ABCA3: variants seen among roughly 807,000 people sequenced by gnomAD.
ABCA3 encodes ATP binding cassette subfamily A member 3.
Under a neutral mutation model 172.8 loss-of-function variants are expected in ABCA3, and 88 were observed. The observed-to-expected ratio is 0.51, with a 90% CI of 0.43 to 0.61. ABCA3 has a LOEUF of 0.61. Among genes scored for constraint, ABCA3 ranks in the 20% least tolerant of loss-of-function variants. ABCA3 has a pLI of 0.00. For synonymous variants in ABCA3, 1,066 were observed against 983.8 expected, an observed-to-expected ratio of 1.08 and a Z score of -1.56; for missense variants, 2,164 against 2,301.0, an observed-to-expected ratio of 0.94 and a Z score of 1.22.
chr16:2,292,035 T>C (rs1210735172), intron 19 of ABCA3, 105 bp downstream of exon 19: 2 of 875,670 alleles, frequency 2.3e-6, no homozygotes, highest in African/African-American at 1.7e-5. Flanking sequence ...ATCGCACCAC[T>C]GCACTCCAGC....
At chr16:2,301,013 G>A (rs576351121) in intron 12 of ABCA3, among the ~76,000 whole-genome samples, 36 of 149,672 alleles carry the variant, frequency 2.4e-4, no homozygotes, top group Non-Finnish European at 4.0e-4. Flanking sequence ...GGCGGATCAT[G>A]AGGTCAGGAG....
At chr16:2,321,989 A>T (rs149650674) in intron 7 of ABCA3, among the ~76,000 whole-genome samples, 1 of 152,192 alleles carries the variant, frequency 6.6e-6, no homozygotes, top group African/African-American at 2.4e-5. Flanking sequence ...CATGAGGTCA[A>T]GAGATCGAGA....
chr16:2,312,840 A>ATT (rs879305970), intron 10 of ABCA3, among the ~76,000 whole-genome samples: 4 of 143,392 alleles, frequency 2.8e-5, no homozygotes, highest in Non-Finnish European at 6.1e-5. Context: ...CCGAAATTGC[A>ATT]TTTTTTTTTT....
rs71148128 is a variant in ABCA3, at chr16:2,316,490, C to CAAAAAAAAAAAAAAAAA, written c.1111+776_1111+792dup. Among the ~76,000 whole-genome samples the CAAAAAAAAAAAAAAAAA allele has an allele frequency of 1.1e-3, 32 of 28,868 alleles. 14 individuals carry two copies. Among genetic ancestry groups the CAAAAAAAAAAAAAAAAA allele is most frequent in the Non-Finnish European group, 1.5e-3 (19 of 12,998 alleles). The allele number at this position is 28,868 out of a possible 152,430, so 18.9% of individuals were successfully genotyped here. The stretch of plus-strand genomic sequence containing the variant: ...CAAAACCCCGTCTCTACTAAAAATG[C>CAAAAAAAAAAAAAAAAA]AAAAAAAAAAAAAAAAAAAAAAAAA... On this transcript the variant is annotated intron_variant, in intron 10 of 32. Coordinates refer to ENST00000301732, the MANE Select transcript of ABCA3 (RefSeq NM_001089.3).
At chr16:2,328,973 C>G (rs1037709529) in intron 2 of ABCA3, among the ~76,000 whole-genome samples, 1 of 148,884 alleles carries the variant, frequency 6.7e-6, no homozygotes, top group Non-Finnish European at 1.5e-5. Context: ...TATATCAAGG[C>G]TCTTTTTAAA....
chr16:2,317,612 C>T (rs1435292272), intron 9 of ABCA3, 36 bp downstream of exon 9: 3 of 1,609,998 alleles, frequency 1.9e-6, no homozygotes, highest in Non-Finnish European at 2.6e-6. Flanking sequence ...CTGGCTCTCC[C>T]CGTCCTCACC....
intron 10 of ABCA3, among the ~76,000 whole-genome samples, chr16:2,312,535 T>C (rs947159624): frequency 2.2e-4 from 34 of 151,818 alleles, no homozygotes; most frequent in Non-Finnish European, 3.7e-4. Context: ...ATTTTTCTTT[T>C]TTTTTTTTTT....
chr16:2,315,839 CTTTTTTTTTT>C (rs536716259), intron 10 of ABCA3, among the ~76,000 whole-genome samples: 20 of 104,862 alleles, frequency 1.9e-4, no homozygotes, highest in Admixed American at 5.9e-4. Flanking sequence ...AATTTTTAAA[CTTTTTTTTTT>C]TTTTTTTTTT....
Position 2,326,287 on chromosome 16 carries a change from C to A in ABCA3, c.55-13G>T. 4 of 1,612,358 alleles carry A rather than the reference C, an allele frequency of 2.5e-6. No individual in the cohort carries two copies. Among genetic ancestry groups the A allele is most frequent in the Admixed American group, 1.7e-5 (1 of 60,028 alleles). ...GGACCTTCCGCTTCTGGAAGAGATA[C>A]AATAGGGCACGGTGATGGGCTGCAA... On this transcript the variant is annotated splice_polypyrimidine_tract_variant and intron_variant, in intron 4 of 32. Coordinates refer to ENST00000301732, the MANE Select transcript of ABCA3 (RefSeq NM_001089.3).
intron 5 of ABCA3, 26 bp downstream of exon 5, chr16:2,325,984 G>A: frequency 6.2e-7 from 1 of 1,611,962 alleles, no homozygotes; most frequent in Non-Finnish European, 8.5e-7. Context: ...ACTAGGCCTG[G>A]CACCGAGAGC....
At chr16:2,307,495 G>T (rs994835388) in intron 11 of ABCA3, among the ~76,000 whole-genome samples, 1 of 151,966 alleles carries the variant, frequency 6.6e-6, no homozygotes, top group African/African-American at 2.4e-5. Context: ...CAGAGGTTGA[G>T]ATGAGCCAAG....
chr16:2,295,274 C>T (rs541458487), intron 18 of ABCA3, among the ~76,000 whole-genome samples: 1 of 152,346 alleles, frequency 6.6e-6, no homozygotes, highest in South Asian at 2.1e-4. Flanking sequence ...TGAGTGCAGC[C>T]GCAGCACGTG....
chr16:2,309,280 C>T (rs1028808662), intron 10 of ABCA3, among the ~76,000 whole-genome samples: 8 of 152,314 alleles, frequency 5.3e-5, no homozygotes, highest in African/African-American at 1.9e-4. Context: ...GTTGCCTGAT[C>T]TCTCTCATTT....
intron 8 of ABCA3, 96 bp from the exon 9 acceptor site, chr16:2,317,860 C>T: frequency 2.7e-6 from 3 of 1,096,378 alleles, no homozygotes; most frequent in Non-Finnish European, 4.2e-6. Context: ...GTCCGACTGT[C>T]CCAGCAGCCC....
chr16:2,306,832 A>G lies in ABCA3; in HGVS notation c.1285+1618T>C, dbSNP rs376450440. Among the ~76,000 whole-genome samples, 26 of 152,052 alleles carry G rather than the reference A, an allele frequency of 1.7e-4. No individual in the cohort carries two copies. The East Asian group carries it at 1.7e-3, about 10-fold the overall frequency. On this transcript the variant is annotated intron_variant, in intron 11 of 32. Transcript: ENST00000301732. ...AGATCGAGACCATCCTGGCTAACAC[A>G]GTGAAACCCCGTCTCTACTAAAAAT...
In ABCA3 at chr16:2,297,564, G is replaced by T; in HGVS notation, c.2053-25C>A. The T allele has an allele frequency of 6.2e-7, 1 of 1,609,864 alleles. No homozygotes were observed. Among genetic ancestry groups the T allele is most frequent in the South Asian group, 1.1e-5 (1 of 90,960 alleles). ...CCTGGAGGGAGAGACACAGTCTCGC[G>T]ACGCTGGTAGAGCCACACCCCGGGC... On this transcript the variant is annotated intron_variant, in intron 16 of 32. Transcript: ENST00000301732. The surrounding 1 kb of genome is among the most constrained non-coding windows in gnomAD (Gnocchi z 5.6).
Position 2,278,687 on chromosome 16 carries a change from C to CATCT in ABCA3, c.4548-233_4548-230dup, listed in dbSNP as rs544327317. 1.3e-3 allele frequency among the ~76,000 whole-genome samples: 192 copies of CATCT among 152,320 alleles called. No individual in the cohort carries two copies. Among genetic ancestry groups the CATCT allele is most frequent in the African/African-American group, 4.5e-3 (187 of 41,578 alleles). On this transcript the variant is annotated intron_variant, in intron 29 of 32. Coordinates refer to ENST00000301732, the MANE Select transcript of ABCA3 (RefSeq NM_001089.3). The surrounding 1 kb of genome is among the most constrained non-coding windows in gnomAD (Gnocchi z 4.4). ...CGGTGCACGCACCTACATGGGAAGACATCTGCCTGCACCTAAAGGGGACCT... is the reference window on the plus strand; with the variant it reads ...CGGTGCACGCACCTACATGGGAAGACATCTATCTGCCTGCACCTAAAGGGGACCT...
Position 2,326,035 on chromosome 16 carries a change from G to A in ABCA3, c.294C>T (p.Arg98=). 6.2e-7 allele frequency: 1 copy of A among 1,614,012 alleles called. No homozygotes were observed. The highest frequency in any genetic ancestry group is 8.5e-7 in the Non-Finnish European group (1 of 1,180,004). The change falls in exon 5 of 33, where the codon CGC becomes CGT. Residue 98 remains arginine, a synonymous_variant. Transcript: ENST00000301732. The part of the protein sequence containing the change: ...DAAKTVTETV[R]RALVINMRVR... ...CTCGCATGTTGATCACAAGTGCCCT[G>A]CGCACTGTCTCAGTGACGGTCTTGG... is the stretch of plus-strand genomic sequence containing the variant.
chr16:2,285,488 A>T lies in ABCA3; in HGVS notation c.3437T>A (p.Leu1146Gln), dbSNP rs746463149. The T allele has an allele frequency of 6.2e-7, 1 of 1,611,956 alleles. No homozygotes were observed. Among genetic ancestry groups the T allele is most frequent in the South Asian group, 1.1e-5 (1 of 90,492 alleles). Residue 1146 changes from leucine (L) to glutamine (Q), a missense_variant, in exon 23 of 33, where the codon CTG (leucine) becomes CAG (glutamine). This residue lies in a region of ABCA3 where 795 missense variants were observed against 881.9 expected (regional missense o/e 0.90). Coordinates refer to ENST00000301732, the MANE Select transcript of ABCA3 (RefSeq NM_001089.3). This position sits in a 1 kb window ranked among gnomAD's most constrained non-coding sequence, Gnocchi z 4.7. Reference sequence around the variant, plus strand: ...GAGGAAGGAGATGAGGTCCCACAGCAGAGCAGAGAGCCAGAAACTGGCCAC... The same window carrying T: ...GAGGAAGGAGATGAGGTCCCACAGCTGAGCAGAGAGCCAGAAACTGGCCAC... ...VHVASFWLSA[L>Q]LWDLISFLIP...
Sources: gnomAD v4.1 joint callset for allele counts (sites outside exome capture counted in the v4.1 genomes callset) on GRCh38, gnomAD v4.1.1 for gene constraint, gnomAD v4.1.1 regional missense constraint, Gnocchi (gnomAD v3.1) non-coding constraint, MANE v1.5 for transcripts, NCBI Gene and HGNC (gene_info 2026-07-23, HGNC 2026-07-21) for gene names.